CEP350: variants seen among roughly 807,000 people sequenced by gnomAD.
CEP350 encodes centrosome-associated protein 350.
CEP350 carries 126 observed loss-of-function variants against 331.8 expected under a neutral mutation model. That is an observed-to-expected ratio of 0.38 (90% CI 0.33 to 0.44). CEP350 has a LOEUF of 0.44. Among genes scored for constraint, CEP350 ranks in the 20% least tolerant of loss-of-function variants. The pLI, the probability that CEP350 is intolerant of heterozygous loss-of-function variation, is 1.00. For synonymous variants in CEP350, 1,200 were observed against 1,259.5 expected (o/e 0.95, Z 1.00); for missense variants, 3,406 against 3,634.6 (o/e 0.94, Z 1.62).
At chr1:180,044,907 A>AG (rs397734904) in intron 21 of CEP350, among the ~76,000 whole-genome samples, 3 of 151,294 alleles carry the variant, frequency 2.0e-5, no homozygotes, top group Admixed American at 2.0e-4. Context: ...AAAAAAAAAA[A>AG]GAAACCCATT....
chr1:179,974,860 G>A (rs1448580687), intron 1 of CEP350, among the ~76,000 whole-genome samples: 2 of 152,010 alleles, frequency 1.3e-5, no homozygotes, highest in South Asian at 2.1e-4. Flanking sequence ...ACATGGTGGC[G>A]CATGCCTGTA....
chr1:180,048,070 T>C (rs1039978116), intron 21 of CEP350, among the ~76,000 whole-genome samples: 1 of 152,230 alleles, frequency 6.6e-6, no homozygotes, highest in Non-Finnish European at 1.5e-5. Context: ...GAAGGAGATA[T>C]GGTCAACATC....
At chr1:180,066,055 G>A (rs1234969692) in intron 27 of CEP350, among the ~76,000 whole-genome samples, 3 of 152,098 alleles carry the variant, frequency 2.0e-5, no homozygotes, top group South Asian at 2.1e-4. Flanking sequence ...TTCCAGGAAT[G>A]TTGATTTGAA....
Position 180,075,047 on chromosome 1 carries a change from T to C in CEP350, c.5593T>C (p.Leu1865=), listed in dbSNP as rs761504236. The C allele has an allele frequency of 6.2e-7, 1 of 1,611,942 alleles. No individual in the cohort carries two copies. Among genetic ancestry groups the C allele is most frequent in the Admixed American group, 1.7e-5 (1 of 59,588 alleles). ...GTTTCTGACAAAGCGGGAGCAAAAA[T>C]TAATGCAACGGCGACAACATGCAGA... ...EKFLTKREQK[L]MQRRQHAEEL... Residue 1865 remains leucine, a synonymous_variant, in exon 28 of 38, where the codon TTA becomes CTA. Coordinates refer to ENST00000367607, the MANE Select transcript of CEP350 (RefSeq NM_014810.5).
intron 6 of CEP350, among the ~76,000 whole-genome samples, chr1:179,999,732 A>G (rs1204423445): frequency 2.0e-5 from 3 of 152,090 alleles, no homozygotes; most frequent in African/African-American, 7.2e-5. Context: ...TGCAAACATA[A>G]GCAAATAGGA....
rs113785742 is a variant in CEP350, at chr1:180,053,224, T to C, written c.4989+58T>C. ...TTGTGGATATGTTCTCTCAAAGATA[T>C]GAGAAAACATTTTGTACTTATCTCA... On this transcript the variant is annotated intron_variant, in intron 23 of 37. Coordinates refer to ENST00000367607, the MANE Select transcript of CEP350 (RefSeq NM_014810.5). 1.4e-3 allele frequency: 1,208 copies of C among 850,608 alleles called. 16 individuals are homozygous for C. The African/African-American group carries it at 0.019, about 13-fold the overall frequency. The allele number at this position is 850,608 out of a possible 1,614,324, so 52.7% of individuals were successfully genotyped here. A position where few individuals can be genotyped will look rare whatever the true frequency, so the allele number is the denominator to read the frequency against.
At chr1:180,052,362 C>A (rs1195695921) in intron 22 of CEP350, 2 of 359,300 alleles carry the variant, frequency 5.6e-6, no homozygotes, top group Non-Finnish European at 1.1e-5. Flanking sequence ...TTCTAAATAT[C>A]ATTCTTTAAT....
chr1:179,994,489 T>C lies in CEP350; in HGVS notation c.396-2064T>C, dbSNP rs1195528299. 5.3e-5 allele frequency among the ~76,000 whole-genome samples: 8 copies of C among 150,292 alleles called. No individual in the cohort carries two copies. In the South Asian group the frequency reaches 1.5e-3, roughly 28 times the overall value. ...TTTTTTTTGAGACAGTGTCTCACTC[T>C]GTTGCCCAGGCTGGAGTCCAGTGGC... On this transcript the variant is annotated intron_variant, in intron 5 of 37. Transcript: ENST00000367607.
chr1:180,063,458 G>A (rs1658366299), intron 26 of CEP350, among the ~76,000 whole-genome samples: 1 of 151,840 alleles, frequency 6.6e-6, no homozygotes, highest in Non-Finnish European at 1.5e-5. Flanking sequence ...CTCCCAGAGT[G>A]TTAGGATTAC....
At position 180,073,809 on chromosome 1, in the gene CEP350, T is replaced by G. The variant is rs780705812; in HGVS notation, c.5568-1213T>G. 2.3e-6 allele frequency: 3 copies of G among 1,304,348 alleles called. No individual in the cohort carries two copies. In the African/African-American group the frequency reaches 4.6e-5, roughly 20 times the overall value. The allele number at this position is 1,304,348 out of a possible 1,614,324, so 80.8% of individuals were successfully genotyped here. A position where few individuals can be genotyped will look rare whatever the true frequency, so the allele number is the denominator to read the frequency against. ...AGACACTGCTCTCCTGTTCACTACT[T>G]CTTCTCTGTCTTTACGTCTCATCAC... On this transcript the variant is annotated intron_variant, in intron 27 of 37. Coordinates refer to ENST00000367607, the MANE Select transcript of CEP350 (RefSeq NM_014810.5).
chr1:180,039,836 G>A (rs919218003), intron 17 of CEP350, among the ~76,000 whole-genome samples: 2 of 152,046 alleles, frequency 1.3e-5, no homozygotes, highest in African/African-American at 4.8e-5. Context: ...CATTAGAATG[G>A]TATTGAATCT....
At chr1:180,055,090 A>G (rs1420119252) in intron 25 of CEP350, among the ~76,000 whole-genome samples, 1 of 152,224 alleles carries the variant, frequency 6.6e-6, no homozygotes, top group Non-Finnish European at 1.5e-5. Flanking sequence ...AGATAATAAT[A>G]GTAACATACT....
chr1:180,048,772 A>G lies in CEP350; in HGVS notation c.4792+67A>G. 4.7e-6 allele frequency: 6 copies of G among 1,283,706 alleles called. No homozygotes were observed. The South Asian group carries it at 7.9e-5, about 17-fold the overall frequency. The allele number at this position is 1,283,706 out of a possible 1,614,324, so 79.5% of individuals were successfully genotyped here. A position where few individuals can be genotyped will look rare whatever the true frequency, so the allele number is the denominator to read the frequency against. ...AACCAGAGGAAAGGTGATCCTTGTT[A>G]TAAAGTGGCAAATAAGCTGGATGTG... On this transcript the variant is annotated intron_variant, in intron 22 of 37. Coordinates refer to ENST00000367607, the MANE Select transcript of CEP350 (RefSeq NM_014810.5).
chr1:180,083,134 A>T (rs774515601), intron 30 of CEP350, among the ~76,000 whole-genome samples: 1 of 152,180 alleles, frequency 6.6e-6, no homozygotes, highest in African/African-American at 2.4e-5. Context: ...TTTTGATGTG[A>T]TGTTAAGTCT....
rs776873195 is a variant in CEP350, at chr1:180,084,093, T to A, written c.6200T>A (p.Val2067Asp). The change falls in exon 31 of 38, where the codon GTT becomes GAT. Residue 2067 changes from valine to aspartate, a missense_variant. By Grantham distance (152) the Val-to-Asp change is radical. Around this residue, in one of 5 missense-constraint regions of CEP350, gnomAD observed 1,415 missense variants for 1,512.3 expected, o/e 0.94. Coordinates refer to ENST00000367607, the MANE Select transcript of CEP350 (RefSeq NM_014810.5). The stretch of plus-strand genomic sequence containing the variant: ...GATGAGTTGCGGAAAAGAAAATCAG[T>A]TGTGAACCAGCTGAAGAAGGAACAG... ...LKDELRKRKS[V>D]VNQLKKEQKK... 1 of 1,597,898 alleles carries A rather than the reference T, an allele frequency of 6.3e-7. No individual in the cohort carries two copies. The highest frequency in any genetic ancestry group is 1.3e-5 in the African/African-American group (1 of 74,590).
At position 180,012,204 on chromosome 1, in the gene CEP350, GA is replaced by G. The variant is rs968066947; in HGVS notation, c.1393+136del. 77 of 792,858 alleles carry G rather than the reference GA, an allele frequency of 9.7e-5. No homozygotes were observed. The African/African-American group carries it at 1.3e-3, about 13-fold the overall frequency. The allele number at this position is 792,858 out of a possible 1,614,324, so 49.1% of individuals were successfully genotyped here. On this transcript the variant is annotated intron_variant, in intron 9 of 37. Coordinates refer to ENST00000367607, the MANE Select transcript of CEP350 (RefSeq NM_014810.5). ...ATAATTTTGAATGTAGCTCAAAAAA[GA>G]AAAAAATGTTCTATTGGGCTTGGTT...
At chr1:180,028,607 C>A (rs191535855) in intron 14 of CEP350, among the ~76,000 whole-genome samples, 51 of 152,102 alleles carry the variant, frequency 3.4e-4, no homozygotes, top group Admixed American at 9.2e-4. Flanking sequence ...AGTTCGAGAC[C>A]AGCCTGGGCA....
chr1:180,037,719 G>A (rs1054240209), intron 17 of CEP350, among the ~76,000 whole-genome samples: 2 of 151,872 alleles, frequency 1.3e-5, no homozygotes, highest in East Asian at 1.9e-4. Flanking sequence ...GCACGATCTC[G>A]GCTCACTGCA....
chr1:180,098,971 G>A lies in CEP350; in HGVS notation c.9175G>A (p.Val3059Met), dbSNP rs1660643762. The change falls in exon 37 of 38, where the codon GTG becomes ATG. Residue 3059 changes from valine (V) to methionine (M), a missense_variant. Val to Met is a conservative substitution (Grantham distance 21). Around this residue, in one of 5 missense-constraint regions of CEP350, gnomAD observed 1,415 missense variants for 1,512.3 expected, o/e 0.94. Transcript: ENST00000367607. ...MKFGRKKRDR[V>M]DHILVQELHE... ...ATTTGGAAGAAAGAAAAGAGACCGA[G>A]TGGATCATATCCTGGTCAGTGTATA... is the stretch of plus-strand genomic sequence containing the variant. 6.2e-7 allele frequency: 1 copy of A among 1,613,460 alleles called. No homozygotes were observed. Among genetic ancestry groups the A allele is most frequent in the African/African-American group, 1.3e-5 (1 of 74,908 alleles).
Sources: gnomAD v4.1 joint callset for allele counts (sites outside exome capture counted in the v4.1 genomes callset) on GRCh38, gnomAD v4.1.1 for gene constraint, gnomAD v4.1.1 regional missense constraint, MANE v1.5 for transcripts, NCBI Gene and HGNC (gene_info 2026-07-23, HGNC 2026-07-21) for gene names.